Variants in PTPRM observed in about 807,000 individuals in gnomAD.
PTPRM encodes the protein protein tyrosine phosphatase receptor type M.
PTPRM carries 47 observed loss-of-function variants against 186.7 expected under a neutral mutation model. That is an observed-to-expected ratio of 0.25 (90% CI 0.20 to 0.32). PTPRM has a LOEUF of 0.32. Among genes scored for constraint, PTPRM ranks in the 10% least tolerant of loss-of-function variants. The pLI is 1.00. For missense variants in PTPRM, 1,494 were observed against 1,865.0 expected, an observed-to-expected ratio of 0.80 and a Z score of 3.66; for synonymous variants, 668 against 674.9, an observed-to-expected ratio of 0.99 and a Z score of 0.16.
chr18:7,787,008 G>A (rs371280536), intron 2 of PTPRM, among the ~76,000 whole-genome samples: 2 of 152,190 alleles, frequency 1.3e-5, no homozygotes, highest in East Asian at 3.8e-4. Context: ...TTATAAAAAG[G>A]TGTTGGACAT....
intron 22 of PTPRM, among the ~76,000 whole-genome samples, chr18:8,341,020 A>G (rs2095471349): frequency 6.6e-6 from 1 of 151,640 alleles, no homozygotes; most frequent in Admixed American, 6.6e-5. Flanking sequence ...TGGGTGGGGA[A>G]ACTGAGAGGA....
At chr18:7,984,602 T>TATATATATATACACAC (rs1214502563) in intron 7 of PTPRM, among the ~76,000 whole-genome samples, 2 of 87,174 alleles carry the variant, frequency 2.3e-5, no homozygotes, top group African/African-American at 9.8e-5. Flanking sequence ...TATATATATA[T>TATATATATATACACAC]ACACACACAC....
intron 14 of PTPRM, among the ~76,000 whole-genome samples, chr18:8,234,391 C>G (rs1391511417): frequency 6.6e-6 from 1 of 152,154 alleles, no homozygotes; most frequent in Non-Finnish European, 1.5e-5. Context: ...TTGCTCATTG[C>G]TGGTATATAG....
intron 2 of PTPRM, among the ~76,000 whole-genome samples, chr18:7,847,656 A>G (rs1440798238): frequency 6.6e-6 from 1 of 152,142 alleles, no homozygotes; most frequent in Non-Finnish European, 1.5e-5. Context: ...CTCCTATAAC[A>G]TAAGAGATGA....
At chr18:8,335,649 G>T (rs1162876230) in intron 22 of PTPRM, among the ~76,000 whole-genome samples, 1 of 152,166 alleles carries the variant, frequency 6.6e-6, no homozygotes, top group Non-Finnish European at 1.5e-5. Context: ...AAACCTGAAA[G>T]AAAACTCATG....
chr18:8,246,977 A>T (rs143037390), intron 15 of PTPRM, among the ~76,000 whole-genome samples: 247 of 152,308 alleles, frequency 1.6e-3, no homozygotes, highest in Non-Finnish European at 3.1e-3. Flanking sequence ...CATCAAACAG[A>T]TCATGTAACT....
At chr18:8,306,388 G>A (rs910167837) in intron 20 of PTPRM, among the ~76,000 whole-genome samples, 13 of 152,162 alleles carry the variant, frequency 8.5e-5, no homozygotes, top group African/African-American at 2.9e-4. Flanking sequence ...TCAAATCATG[G>A]TCTTGGACAC....
chr18:7,950,647 A>G (rs1178169023), intron 6 of PTPRM, among the ~76,000 whole-genome samples: 1 of 152,136 alleles, frequency 6.6e-6, no homozygotes, highest in Non-Finnish European at 1.5e-5. Context: ...TATATTATAT[A>G]TAGGACACTT....
chr18:8,309,203 G>A (rs561326357), intron 20 of PTPRM, among the ~76,000 whole-genome samples: 14 of 152,268 alleles, frequency 9.2e-5, no homozygotes, highest in East Asian at 1.9e-4. Context: ...GTCATAGGTC[G>A]TGGATGTCTT....
intron 1 of PTPRM, among the ~76,000 whole-genome samples, chr18:7,672,331 T>G (rs1286642276): frequency 2.0e-5 from 3 of 152,198 alleles, no homozygotes; most frequent in Non-Finnish European, 4.4e-5. Flanking sequence ...AAGTTAAGAT[T>G]TTTGGGATAC....
At chr18:8,003,592 T>A (rs962526494) in intron 7 of PTPRM, among the ~76,000 whole-genome samples, 4 of 152,202 alleles carry the variant, frequency 2.6e-5, no homozygotes, top group Non-Finnish European at 4.4e-5. Context: ...AAAGTACGGA[T>A]CAGTTCCGGT....
At chr18:7,617,756 A>C (rs2037841618) in intron 1 of PTPRM, among the ~76,000 whole-genome samples, 2 of 152,212 alleles carry the variant, frequency 1.3e-5, no homozygotes, top group Non-Finnish European at 2.9e-5. Context: ...TCGTGAGAAG[A>C]GGATAATCAT....
At chr18:8,325,363 T>A (rs1462670962) in intron 22 of PTPRM, among the ~76,000 whole-genome samples, 1 of 152,212 alleles carries the variant, frequency 6.6e-6, no homozygotes, top group Non-Finnish European at 1.5e-5. Context: ...GCCTCCTTTG[T>A]GCCCATGTGT....
chr18:8,243,666 C>A (rs113926815), intron 14 of PTPRM, among the ~76,000 whole-genome samples: 1 of 152,188 alleles, frequency 6.6e-6, no homozygotes, highest in Non-Finnish European at 1.5e-5. Context: ...CTCTTTGACA[C>A]TGTATATGGT....
intron 4 of PTPRM, among the ~76,000 whole-genome samples, chr18:7,925,854 G>A (rs746501781): frequency 1.3e-5 from 2 of 152,186 alleles, no homozygotes; most frequent in Non-Finnish European, 2.9e-5. Context: ...AAATTGGCCT[G>A]TGCTTCTCAT....
At chr18:7,647,333 G>A (rs998014904) in intron 1 of PTPRM, among the ~76,000 whole-genome samples, 1 of 152,142 alleles carries the variant, frequency 6.6e-6, no homozygotes, top group Non-Finnish European at 1.5e-5. Context: ...TAAAAATCTT[G>A]AGTTAGATTT....
chr18:8,120,867 C>T (rs148407142), intron 13 of PTPRM, among the ~76,000 whole-genome samples: 1,601 of 152,156 alleles, frequency 0.011, 27 homozygotes, highest in African/African-American at 0.036. Flanking sequence ...ACAGATAATG[C>T]GGAACTGCAT....
intron 2 of PTPRM, among the ~76,000 whole-genome samples, chr18:7,862,274 T>G (rs2047428314): frequency 6.6e-6 from 1 of 152,196 alleles, no homozygotes; most frequent in Non-Finnish European, 1.5e-5. Context: ...GTCTATTCAC[T>G]CAGGTAATTT....
At chr18:7,926,736 T>A in intron 5 of PTPRM, 53 bp downstream of exon 5, 2 of 1,383,458 alleles carry the variant, frequency 1.4e-6, no homozygotes, top group Non-Finnish European at 2.0e-6. Context: ...AAGAATACAC[T>A]CCCCCTGGAG....
Sources: gnomAD v4.1 joint callset for allele counts (sites outside exome capture counted in the v4.1 genomes callset) on GRCh38, gnomAD v4.1.1 for gene constraint, MANE v1.5 for transcripts, NCBI Gene and HGNC (gene_info 2026-07-23, HGNC 2026-07-21) for gene names.